Variants in C14orf39 observed in about 807,000 individuals in gnomAD.
The protein encoded by C14orf39 is protein SIX6OS1.
C14orf39 carries 66 observed loss-of-function variants against 85.6 expected under a neutral mutation model. The observed-to-expected ratio is 0.77, with a 90% CI of 0.63 to 0.95. C14orf39 has a LOEUF of 0.95. Among genes scored for constraint, C14orf39 ranks in the 40% least tolerant of loss-of-function variants. The pLI, the probability that C14orf39 is intolerant of heterozygous loss-of-function variation, is 0.00. For missense variants in C14orf39, 735 were observed against 663.9 expected, an observed-to-expected ratio of 1.11 and a Z score of -1.18; for synonymous variants, 242 against 214.0, an observed-to-expected ratio of 1.13 and a Z score of -1.14.
At chr14:60,493,415 T>C (rs1414211961) in intron 2 of C14orf39, among the ~76,000 whole-genome samples, 1 of 152,180 alleles carries the variant, frequency 6.6e-6, no homozygotes, top group Non-Finnish European at 1.5e-5. Flanking sequence ...ACAGTACCCT[T>C]TCCCCCAGTT....
chr14:60,465,644 C>T (rs189291894), intron 11 of C14orf39, among the ~76,000 whole-genome samples: 72 of 152,194 alleles, frequency 4.7e-4, no homozygotes, highest in Admixed American at 1.6e-3. Context: ...TAATTTCCCT[C>T]TTCAATCCAA....
chr14:60,491,276 G>T lies in C14orf39; in HGVS notation c.-8-6190C>A, dbSNP rs187446322. ...GGGCACACTCTTTGCTTCCAAAATGGTGTCTTGTTGCTGTCCTCCGGAGAG... is the reference window on the plus strand; with the variant it reads ...GGGCACACTCTTTGCTTCCAAAATGTTGTCTTGTTGCTGTCCTCCGGAGAG... On this transcript the variant is annotated intron_variant, in intron 2 of 5. Coordinates refer to the C14orf39 transcript ENST00000556799. This position sits in a 1 kb window ranked among gnomAD's most constrained non-coding sequence, Gnocchi z 4.5. Among the ~76,000 whole-genome samples, 2 of 152,276 alleles carry T rather than the reference G, an allele frequency of 1.3e-5. No homozygotes were observed. Among genetic ancestry groups the T allele is most frequent in the African/African-American group, 4.8e-5 (2 of 41,568 alleles).
Position 60,483,809 on chromosome 14 carries a change from C to T in C14orf39, c.115G>A (p.Glu39Lys). The part of the protein sequence containing the change: ...EMIQRINKCC[E>K]DIKENKVTIC... ...GTTACTTTGTTTTCCTTAATATCTT[C>T]ACAGCATTCTACAAAGAGAAAATGT... Residue 39 changes from glutamate (E) to lysine (K), a missense_variant, in exon 4 of 18, where the codon GAA (glutamate) becomes AAA (lysine). By Grantham distance (56) the Glu-to-Lys change is moderately conservative. Transcript: ENST00000321731. The T allele has an allele frequency of 4.7e-6, 7 of 1,501,108 alleles. No homozygotes were observed. The highest frequency in any genetic ancestry group is 6.4e-6 in the Non-Finnish European group (7 of 1,089,580). 93.0% of individuals were successfully genotyped at this position (1,501,108 alleles called of 1,614,324 possible).
At chr14:60,455,551 A>G (rs776833629) in intron 15 of C14orf39, among the ~76,000 whole-genome samples, 2 of 152,102 alleles carry the variant, frequency 1.3e-5, no homozygotes, top group Non-Finnish European at 2.9e-5. Flanking sequence ...TTTGAATGCC[A>G]GTTACAAGAT....
At chr14:60,460,440 C>T (rs1288530757) in intron 13 of C14orf39, among the ~76,000 whole-genome samples, 1 of 151,826 alleles carries the variant, frequency 6.6e-6, no homozygotes, top group East Asian at 1.9e-4. Context: ...GAGAAAAAGA[C>T]TCATAGTATA....
In C14orf39 at chr14:60,436,770, G is replaced by T; in HGVS notation, c.*75C>A. ...ATCAATAAAAGAAAGCAGTCTTCAT[G>T]TTTTAAGCAATAATGTAAATTTATG... is the stretch of plus-strand genomic sequence containing the variant. On this transcript the variant is annotated 3_prime_UTR_variant, in exon 18 of 18. Transcript: ENST00000321731. The T allele has an allele frequency of 1.1e-6, 1 of 948,558 alleles. No homozygotes were observed. The highest frequency in any genetic ancestry group is 1.6e-6 in the Non-Finnish European group (1 of 615,480). 58.8% of individuals were successfully genotyped at this position (948,558 alleles called of 1,614,324 possible). A position where few individuals can be genotyped will look rare whatever the true frequency, so the allele number is the denominator to read the frequency against.
At chr14:60,459,724 T>C (rs1230401781) in intron 13 of C14orf39, among the ~76,000 whole-genome samples, 1 of 151,770 alleles carries the variant, frequency 6.6e-6, no homozygotes, top group South Asian at 2.1e-4. Flanking sequence ...TTGAGTTACC[T>C]GATTTTCATA....
chr14:60,436,891 C>T lies in C14orf39; in HGVS notation c.1718G>A (p.Gly573Asp). Reference protein sequence around the residue: ...QNSIPSSSLKGFSSSSQNTTQ... With the variant: ...QNSIPSSSLKDFSSSSQNTTQ... ...TGTATTTTGTGAGGAAGATGAAAAACCTTTTAAAGAAGAAGAAGGTATTGA... is the reference window on the plus strand; with the variant it reads ...TGTATTTTGTGAGGAAGATGAAAAATCTTTTAAAGAAGAAGAAGGTATTGA... The change falls in exon 18 of 18, where the codon GGT (glycine) becomes GAT (aspartate). Residue 573 changes from glycine to aspartate, a missense_variant. Coordinates refer to ENST00000321731, the MANE Select transcript of C14orf39 (RefSeq NM_174978.3). 1 of 1,611,816 alleles carries T rather than the reference C, an allele frequency of 6.2e-7. No homozygotes were observed. Among genetic ancestry groups the T allele is most frequent in the South Asian group, 1.1e-5 (1 of 90,836 alleles).
At chr14:60,485,146 T>A in intron 1 of C14orf39, 60 bp from the exon 2 acceptor site, 1 of 1,406,156 alleles carries the variant, frequency 7.1e-7, no homozygotes, top group Non-Finnish European at 9.8e-7. Flanking sequence ...AAACAGGATA[T>A]ATTTCGTAAC....
chr14:60,513,661 G>T (rs1893325380), intron 1 of C14orf39, among the ~76,000 whole-genome samples: 1 of 152,078 alleles, frequency 6.6e-6, no homozygotes, highest in Admixed American at 6.6e-5. Context: ...ACTAATTAGT[G>T]GAATAATGTA....
In C14orf39 at chr14:60,486,018, A is replaced by C. The variant is rs537558126; in HGVS notation, c.-82T>G. On this transcript the variant is annotated 5_prime_UTR_variant, in exon 1 of 18. Coordinates refer to ENST00000321731, the MANE Select transcript of C14orf39 (RefSeq NM_174978.3). ...TCCCAAACTCCACTCAGGACGCCAC[A>C]GCGGATCCTAACTACAAACGGTCCC... The C allele has an allele frequency of 6.5e-6, 1 of 152,992 alleles. No individual in the cohort carries two copies. The highest frequency in any genetic ancestry group is 1.5e-5 in the Non-Finnish European group (1 of 68,608). 9.5% of individuals were successfully genotyped at this position (152,992 alleles called of 1,614,324 possible). A position where few individuals can be genotyped will look rare whatever the true frequency, so the allele number is the denominator to read the frequency against.
rs756750023 is a variant in C14orf39 at position 60,468,554 on chromosome 14, AAC to A, written c.676-20_676-19del. 7.0e-7 allele frequency: 1 copy of A among 1,419,734 alleles called. No homozygotes were observed. The allele number at this position is 1,419,734 out of a possible 1,614,324, so 87.9% of individuals were successfully genotyped here. On this transcript the variant is annotated intron_variant, in intron 8 of 17. Coordinates refer to ENST00000321731, the MANE Select transcript of C14orf39 (RefSeq NM_174978.3). ...GATATCTGCTAAAAAGACAATTGGG[AAC>A]ACAAAACAAAATAATTACTTGCAAA...
intron 1 of C14orf39, chr14:60,509,936 C>T (rs1893265192): frequency 6.2e-7 from 1 of 1,610,154 alleles, no homozygotes; most frequent in Non-Finnish European, 8.5e-7. Context: ...CAAAAACCGC[C>T]GACAAAGGGA....
At chr14:60,495,484 C>A (rs561946785) in intron 2 of C14orf39, 2 of 181,756 alleles carry the variant, frequency 1.1e-5, no homozygotes, top group East Asian at 1.4e-4. Flanking sequence ...GGAGAGCATC[C>A]CTGTTACAAA....
chr14:60,475,602 A>G (rs1350977047), intron 5 of C14orf39, among the ~76,000 whole-genome samples: 1 of 152,142 alleles, frequency 6.6e-6, no homozygotes, highest in Non-Finnish European at 1.5e-5. Context: ...TAGCTCATTT[A>G]TTTACATATT....
At position 60,496,355 on chromosome 14, in the gene C14orf39, G is replaced by T. The variant is rs549304568; in HGVS notation, c.-9+2941C>A. 44 of 347,168 alleles carry T rather than the reference G, an allele frequency of 1.3e-4. No homozygotes were observed. The East Asian group carries it at 2.3e-3, about 18-fold the overall frequency. 21.5% of individuals were successfully genotyped at this position (347,168 alleles called of 1,614,324 possible). ...CCATAGTGCCTGAAGAGTCACATTT[G>T]TGTTGGCCACTTTCCCTTTGGGTAA... On this transcript the variant is annotated intron_variant, in intron 2 of 5. Coordinates refer to the C14orf39 transcript ENST00000556799.
intron 5 of C14orf39, among the ~76,000 whole-genome samples, chr14:60,476,626 T>C (rs1892390212): frequency 6.6e-6 from 1 of 152,200 alleles, no homozygotes; most frequent in Non-Finnish European, 1.5e-5. Context: ...ACAAACACTG[T>C]TAGAGAAGTA....
intron 5 of C14orf39, among the ~76,000 whole-genome samples, chr14:60,475,500 A>G (rs1892327801): frequency 6.6e-6 from 1 of 152,180 alleles, no homozygotes; most frequent in South Asian, 2.1e-4. Context: ...ACATGTTTAA[A>G]TTATTGAAAA....
At chr14:60,473,466 T>C (rs1474431813) in intron 5 of C14orf39, among the ~76,000 whole-genome samples, 1 of 152,218 alleles carries the variant, frequency 6.6e-6, no homozygotes, top group African/African-American at 2.4e-5. Context: ...GTTTTAGACA[T>C]GAAGTCCTTG....
Sources: allele counts gnomAD v4.1 joint callset (sites outside exome capture counted in the v4.1 genomes callset), GRCh38; gene constraint gnomAD v4.1.1; non-coding constraint Gnocchi (gnomAD v3.1); transcripts MANE v1.5; gene names NCBI Gene and HGNC (gene_info 2026-07-23, HGNC 2026-07-21).